The following LAMA3 variants were observed in gnomAD, a reference collection of about 807,000 sequenced individuals.
LAMA3 encodes the protein laminin subunit alpha-3.
In LAMA3, 281 loss-of-function variants were observed where a neutral mutation model predicts 402.0. The observed-to-expected ratio is 0.70, with a 90% CI of 0.63 to 0.77. The LOEUF is 0.77. LAMA3 is among the 30% of genes least tolerant of loss of function. The probability of loss-of-function intolerance (pLI) is 0.00; values close to 1 mark genes in which losing one functional copy is unlikely to be tolerated. For missense variants in LAMA3, 3,840 were observed against 4,215.5 expected (o/e 0.91, Z 2.47); for synonymous variants, 1,431 against 1,558.4 (o/e 0.92, Z 1.93).
chr18:23,694,253 T>C (rs2060644917), intron 1 of LAMA3, among the ~76,000 whole-genome samples: 1 of 152,162 alleles, frequency 6.6e-6, no homozygotes, highest in Non-Finnish European at 1.5e-5. Context: ...ATTATGCACA[T>C]CTTAATTGTG....
intron 2 of LAMA3, among the ~76,000 whole-genome samples, chr18:23,737,366 C>T (rs1469906414): frequency 2.0e-5 from 3 of 152,212 alleles, no homozygotes; most frequent in Non-Finnish European, 4.4e-5. Context: ...ATGGAATCCA[C>T]CCGCACTTCA....
At chr18:23,915,826 C>T (rs141796351) in intron 59 of LAMA3, among the ~76,000 whole-genome samples, 22 of 151,400 alleles carry the variant, frequency 1.5e-4, no homozygotes, top group East Asian at 1.4e-3. Context: ...GCCAACATGG[C>T]GAAACCCCAT....
At position 23,882,038 on chromosome 18, in the gene LAMA3, A is replaced by G; in HGVS notation, c.5215A>G (p.Thr1739Ala). 2 of 1,610,300 alleles carry G rather than the reference A, an allele frequency of 1.2e-6. No individual in the cohort carries two copies. The highest frequency in any genetic ancestry group is 1.7e-6 in the Non-Finnish European group (2 of 1,176,610). The stretch of plus-strand genomic sequence containing the variant: ...CTGCAGGGCCTGCCCATGTCCTCAC[A>G]CTAACAGGTACCGTAGCAGCTTGAC... ...GSCRACPCPH[T>A]NSFATGCVVN... Residue 1739 changes from threonine (T) to alanine (A), a missense_variant, in exon 40 of 75, where the codon ACT becomes GCT. Thr to Ala is a moderately conservative substitution (Grantham distance 58, BLOSUM62 0). This residue lies in a region of LAMA3 where 2,109 missense variants were observed against 2,376.0 expected (regional missense o/e 0.89). Transcript: ENST00000313654.
intron 21 of LAMA3, among the ~76,000 whole-genome samples, chr18:23,825,622 G>A (rs1179790678): frequency 1.3e-5 from 2 of 151,834 alleles, no homozygotes; most frequent in Non-Finnish European, 2.9e-5. Flanking sequence ...TGCTCTTCTT[G>A]CATCTTCTTA....
intron 36 of LAMA3, among the ~76,000 whole-genome samples, chr18:23,865,086 C>T (rs1470439844): frequency 1.3e-5 from 2 of 152,258 alleles, no homozygotes; most frequent in African/African-American, 4.8e-5. Context: ...TCTGTCTTCT[C>T]TGCCTCCAAA....
intron 67 of LAMA3, among the ~76,000 whole-genome samples, chr18:23,934,589 T>G (rs1351590093): frequency 6.6e-6 from 1 of 152,236 alleles, no homozygotes; most frequent in Non-Finnish European, 1.5e-5. Context: ...AGGTCAACAA[T>G]GTAACTTTCC....
intron 73 of LAMA3, among the ~76,000 whole-genome samples, chr18:23,952,689 C>G (rs1335841439): frequency 6.6e-6 from 1 of 152,158 alleles, no homozygotes; most frequent in African/African-American, 2.4e-5. Flanking sequence ...GCTTAAATCC[C>G]AACTCTTGGT....
chr18:23,919,316 G>A (rs1371566152), intron 60 of LAMA3, among the ~76,000 whole-genome samples: 1 of 152,166 alleles, frequency 6.6e-6, no homozygotes, highest in East Asian at 1.9e-4. Flanking sequence ...TAAAAGCAAA[G>A]CCTTCAAGCC....
At chr18:23,889,856 C>G (rs1236383271) in intron 41 of LAMA3, among the ~76,000 whole-genome samples, 155 bp from the exon 42 acceptor site, 3 of 152,126 alleles carry the variant, frequency 2.0e-5, no homozygotes, top group Non-Finnish European at 2.9e-5. Flanking sequence ...GGGTAAATAC[C>G]TCTGTATTGA....
rs750591212 is a variant in LAMA3, at chr18:23,871,460, C to T, written c.4797C>T (p.Ala1599=). The change falls in exon 38 of 75, where the codon GCC becomes GCT. Residue 1599 remains alanine, a synonymous_variant. Coordinates refer to ENST00000313654, the MANE Select transcript of LAMA3 (RefSeq NM_198129.4). Reference sequence around the variant, plus strand: ...ACTTCAGACATGCCAGCAGCCGTGCCCCAGTGTCTAGGGAGGAGCTGATGA... The same window carrying T: ...ACTTCAGACATGCCAGCAGCCGTGCTCCAGTGTCTAGGGAGGAGCTGATGA... ...EGNFRHASSR[A]PVSREELMTV... 3.1e-6 allele frequency: 5 copies of T among 1,614,094 alleles called. No individual in the cohort carries two copies. Among genetic ancestry groups the T allele is most frequent in the Middle Eastern group, 1.7e-4 (1 of 6,060 alleles).
chr18:23,854,149 C>T (rs1484545269), intron 32 of LAMA3, among the ~76,000 whole-genome samples: 2 of 152,198 alleles, frequency 1.3e-5, no homozygotes, highest in Admixed American at 1.3e-4. Context: ...CTGTGTGAGG[C>T]TCAGAGCTTG....
rs2064143176 is a variant in LAMA3 at position 23,858,693 on chromosome 18, A to G, written c.4286A>G (p.Asn1429Ser). ...PGTGACLCKE[N>S]VEGTECNVCR... Reference sequence around the variant, plus strand: ...TTTCATGTTTTGCTTCAATAGGAAAATGTAGAAGGCACAGAGTGTAATGTG... The same window carrying G: ...TTTCATGTTTTGCTTCAATAGGAAAGTGTAGAAGGCACAGAGTGTAATGTG... The change falls in exon 34 of 75, where the codon AAT (asparagine) becomes AGT (serine). Residue 1429 changes from asparagine (N) to serine (S), a missense_variant. Physicochemically the swap from Asn to Ser is conservative, Grantham distance 46. This residue lies in a region of LAMA3 where 2,109 missense variants were observed against 2,376.0 expected (regional missense o/e 0.89). Coordinates refer to ENST00000313654, the MANE Select transcript of LAMA3 (RefSeq NM_198129.4). The G allele has an allele frequency of 6.2e-7, 1 of 1,614,076 alleles. No homozygotes were observed. Among genetic ancestry groups the G allele is most frequent in the African/African-American group, 1.3e-5 (1 of 74,924 alleles).
At chr18:23,757,901 C>T (rs1289784063) in intron 6 of LAMA3, among the ~76,000 whole-genome samples, 1 of 152,234 alleles carries the variant, frequency 6.6e-6, no homozygotes, top group Non-Finnish European at 1.5e-5. Flanking sequence ...AAGCAGAGCC[C>T]TCTGGGATCT....
At chr18:23,948,513 G>A (rs1280303364) in intron 70 of LAMA3, among the ~76,000 whole-genome samples, 1 of 151,890 alleles carries the variant, frequency 6.6e-6, no homozygotes, top group African/African-American at 2.4e-5. Flanking sequence ...AATCCAATCA[G>A]TAGTTTACTG....
rs938182374 is a variant in LAMA3 at position 23,784,061 on chromosome 18, T to C, written c.1507T>C (p.Cys503Arg). 1 of 1,614,106 alleles carries C rather than the reference T, an allele frequency of 6.2e-7. No homozygotes were observed. The highest frequency in any genetic ancestry group is 8.5e-7 in the Non-Finnish European group (1 of 1,180,012). ...TCTGGAAGGTGTTCTCCCTGAAATA[T>C]GTGATGCCCACGGACGGTGCCTGTG... ...CNLEGVLPEI[C>R]DAHGRCLCRP... The change falls in exon 12 of 75, where the codon TGT (cysteine) becomes CGT (arginine). Residue 503 changes from cysteine to arginine, a missense_variant. Cys to Arg is a radical substitution (Grantham distance 180). Transcript: ENST00000313654.
intron 36 of LAMA3, among the ~76,000 whole-genome samples, chr18:23,867,571 A>G (rs556644575): frequency 1.7e-4 from 26 of 151,502 alleles, no homozygotes; most frequent in East Asian, 1.4e-3. Flanking sequence ...AAAAAAAAGA[A>G]AAAAAAAAGA....
chr18:23,707,492 T>C (rs1410391352), intron 1 of LAMA3, among the ~76,000 whole-genome samples: 2 of 152,208 alleles, frequency 1.3e-5, no homozygotes, highest in African/African-American at 4.8e-5. Context: ...GCAAACAGCA[T>C]CCACCTTTTG....
chr18:23,892,213 C>G (rs553027526), intron 42 of LAMA3, among the ~76,000 whole-genome samples: 1 of 152,310 alleles, frequency 6.6e-6, no homozygotes, highest in East Asian at 1.9e-4. Context: ...TTCAACATCA[C>G]GCACAGCTTA....
At position 23,928,203 on chromosome 18, in the gene LAMA3, C is replaced by T; in HGVS notation, c.8258C>T (p.Thr2753Ile). ...AGTGGTGTCGTTAGATTGAATGATA[C>T]TGTGGGAGTAACCAAAAAGTGCTCG... ...KTSGVVRLND[T>I]VGVTKKCSED... Residue 2753 changes from threonine (T) to isoleucine (I), a missense_variant, in exon 63 of 75, where the codon ACT (threonine) becomes ATT (isoleucine). Thr to Ile is a moderately conservative substitution (Grantham distance 89). Around this residue, in one of 3 missense-constraint regions of LAMA3, gnomAD observed 840 missense variants for 981.9 expected, o/e 0.86. Transcript: ENST00000313654. The T allele has an allele frequency of 6.2e-7, 1 of 1,613,562 alleles. No homozygotes were observed. The highest frequency in any genetic ancestry group is 8.5e-7 in the Non-Finnish European group (1 of 1,179,468).
Sources: allele counts gnomAD v4.1 joint callset (sites outside exome capture counted in the v4.1 genomes callset), GRCh38; gene constraint gnomAD v4.1.1; regional missense constraint gnomAD v4.1.1; transcripts MANE v1.5; gene names NCBI Gene and HGNC (gene_info 2026-07-23, HGNC 2026-07-21).